Variants in KITLG observed in about 807,000 individuals in gnomAD.
KITLG encodes the protein c-Kit ligand.
KITLG carries 13 observed loss-of-function variants against 34.1 expected under a neutral mutation model. The observed-to-expected ratio is 0.38, with a 90% CI of 0.25 to 0.61. The LOEUF is 0.61. Ranked by LOEUF, KITLG falls within the 20% of genes least tolerant of loss-of-function variation. The probability of loss-of-function intolerance (pLI) is 0.60; values close to 1 mark genes in which losing one functional copy is unlikely to be tolerated. For synonymous variants in KITLG, 110 were observed against 104.0 expected, an observed-to-expected ratio of 1.06 and a Z score of -0.35; for missense variants, 292 against 318.9, an observed-to-expected ratio of 0.92 and a Z score of 0.64.
intron 1 of KITLG, among the ~76,000 whole-genome samples, chr12:88,547,148 A>G (rs1163735728): frequency 6.6e-6 from 1 of 152,244 alleles, no homozygotes; most frequent in East Asian, 1.9e-4. Context: ...AAATTACACA[A>G]GAGTCCAGAT....
chr12:88,564,088 CTT>C (rs1170395721), intron 1 of KITLG: 1 of 152,130 alleles, frequency 6.6e-6, no homozygotes, highest in African/African-American at 2.4e-5. Context: ...AAGATTCTGA[CTT>C]AACAGTTTTC....
intron 3 of KITLG, among the ~76,000 whole-genome samples, chr12:88,526,001 G>A (rs1393950186): frequency 1.3e-5 from 2 of 152,190 alleles, no homozygotes; most frequent in Non-Finnish European, 2.9e-5. Flanking sequence ...ATAAGTGGAT[G>A]GGAGAAGAAA....
At chr12:88,544,776 T>G (rs1429983544) in intron 2 of KITLG, among the ~76,000 whole-genome samples, 1 of 152,160 alleles carries the variant, frequency 6.6e-6, no homozygotes, top group Non-Finnish European at 1.5e-5. Flanking sequence ...ACTTCTGTTT[T>G]GAAGTTCTAT....
intron 3 of KITLG, among the ~76,000 whole-genome samples, chr12:88,522,067 T>C (rs1054834760): frequency 6.6e-6 from 1 of 152,108 alleles, no homozygotes; most frequent in Non-Finnish European, 1.5e-5. Flanking sequence ...CGCTAAATGA[T>C]TAAATAAAAT....
chr12:88,497,796 TG>T (rs1345620015), intron 9 of KITLG, among the ~76,000 whole-genome samples: 4 of 152,156 alleles, frequency 2.6e-5, no homozygotes, highest in Admixed American at 6.5e-5. Context: ...TAGCCTCACA[TG>T]GCCACTGAGC....
intron 9 of KITLG, among the ~76,000 whole-genome samples, chr12:88,502,374 A>G (rs1351556673): frequency 6.6e-6 from 1 of 152,190 alleles, no homozygotes; most frequent in Non-Finnish European, 1.5e-5. Context: ...AACCCAATAC[A>G]TTAAATACAC....
chr12:88,551,582 T>A lies in KITLG; in HGVS notation c.16-5717A>T, dbSNP rs1245324430. Among the ~76,000 whole-genome samples the A allele has an allele frequency of 2.6e-5, 4 of 152,214 alleles. No homozygotes were observed. In the South Asian group the frequency reaches 8.3e-4, roughly 32 times the overall value. ...TGTTTGTATAACTTTTAAAAATTTA[T>A]TTTAGGTTTCATTTGTTTGTTCCTT... On this transcript the variant is annotated intron_variant, in intron 1 of 9. Coordinates refer to ENST00000644744, the MANE Select transcript of KITLG (RefSeq NM_000899.5).
At position 88,548,231 on chromosome 12, in the gene KITLG, G is replaced by A. The variant is rs571160775; in HGVS notation, c.16-2366C>T. ...AGCACTTTAGGAGGCCGAGGTGGGC[G>A]GATCACGAGGTCAGGAGATCGAGAC... On this transcript the variant is annotated intron_variant, in intron 1 of 9. Coordinates refer to ENST00000644744, the MANE Select transcript of KITLG (RefSeq NM_000899.5). Among the ~76,000 whole-genome samples, 16 of 152,140 alleles carry A rather than the reference G, an allele frequency of 1.1e-4. No individual in the cohort carries two copies. In the East Asian group the frequency reaches 1.2e-3, roughly 11 times the overall value.
Position 88,517,653 on chromosome 12 carries a change from G to C in KITLG, c.363+1044C>G, listed in dbSNP as rs549847926. Reference sequence around the variant, plus strand: ...TTTGTGATCTCTACTTCTTTTGAATGCCATTGGCACACTATATGCAGTAGT... The same window carrying C: ...TTTGTGATCTCTACTTCTTTTGAATCCCATTGGCACACTATATGCAGTAGT... On this transcript the variant is annotated intron_variant, in intron 4 of 9. Coordinates refer to ENST00000644744, the MANE Select transcript of KITLG (RefSeq NM_000899.5). Among the ~76,000 whole-genome samples, 71 of 152,210 alleles carry C rather than the reference G, an allele frequency of 4.7e-4. 1 individual carries two copies. Among genetic ancestry groups the C allele is most frequent in the African/African-American group, 1.5e-3 (63 of 41,546 alleles).
At position 88,495,564 on chromosome 12, in the gene KITLG, C is replaced by T. The variant is rs1422390655; in HGVS notation, c.*1655G>A. 1 of 152,462 alleles carries T rather than the reference C, an allele frequency of 6.6e-6. No individual in the cohort carries two copies. The highest frequency in any genetic ancestry group is 1.9e-4 in the East Asian group (1 of 5,184). 9.4% of individuals were successfully genotyped at this position (152,462 alleles called of 1,614,324 possible). On this transcript the variant is annotated 3_prime_UTR_variant, in exon 10 of 10. Coordinates refer to ENST00000644744, the MANE Select transcript of KITLG (RefSeq NM_000899.5). ...AAAGGGACTGTAGGAATCATCTGGG[C>T]TCTTTGGTACAAAAAAGAGCAAAGG...
At chr12:88,507,461 C>T (rs1186617836) in intron 6 of KITLG, among the ~76,000 whole-genome samples, 1 of 152,178 alleles carries the variant, frequency 6.6e-6, no homozygotes, top group Non-Finnish European at 1.5e-5. Flanking sequence ...AAATCTATCT[C>T]CCATGCCTTT....
At chr12:88,507,248 G>A in intron 6 of KITLG, 111 bp from the exon 7 acceptor site, 1 of 696,650 alleles carries the variant, frequency 1.4e-6, no homozygotes, top group Admixed American at 2.3e-5. Flanking sequence ...ACCTATATCT[G>A]TTTAAAGTAT....
intron 1 of KITLG, among the ~76,000 whole-genome samples, chr12:88,557,740 T>C (rs961382382): frequency 6.6e-6 from 1 of 152,078 alleles, no homozygotes; most frequent in African/African-American, 2.4e-5. Flanking sequence ...GGCCAAAGTA[T>C]GGAAACATAA....
intron 3 of KITLG, among the ~76,000 whole-genome samples, chr12:88,522,550 C>A (rs1869713189): frequency 6.6e-6 from 1 of 151,594 alleles, no homozygotes; most frequent in Admixed American, 6.6e-5. Flanking sequence ...GCTTCAGCCT[C>A]CTGAGTAGTT....
chr12:88,546,920 G>A (rs546037452), intron 1 of KITLG, among the ~76,000 whole-genome samples: 4 of 152,214 alleles, frequency 2.6e-5, no homozygotes, highest in African/African-American at 9.6e-5. Context: ...TAACCTTAAG[G>A]GGGAGAACCA....
rs752278331 is a variant in KITLG at position 88,518,649 on chromosome 12, T to G, written c.363+48A>C. 3 of 1,476,328 alleles carry G rather than the reference T, an allele frequency of 2.0e-6. No individual in the cohort carries two copies. The East Asian group carries it at 6.8e-5, about 33-fold the overall frequency. The allele number at this position is 1,476,328 out of a possible 1,614,324, so 91.5% of individuals were successfully genotyped here. On this transcript the variant is annotated intron_variant, in intron 4 of 9. Coordinates refer to ENST00000644744, the MANE Select transcript of KITLG (RefSeq NM_000899.5). ...CCCCAACAGCACCAAGAAGCATGGG[T>G]TTTTAGAGAAGCGTAATGAAAAATA... is the stretch of plus-strand genomic sequence containing the variant.
chr12:88,535,101 G>C (rs1203099986), intron 2 of KITLG, among the ~76,000 whole-genome samples: 1 of 152,088 alleles, frequency 6.6e-6, no homozygotes, highest in East Asian at 1.9e-4. Flanking sequence ...TTAGTATTTA[G>C]AAAGTGTGGG....
chr12:88,496,191 A>C lies in KITLG; in HGVS notation c.*1028T>G, dbSNP rs1046434089. The C allele has an allele frequency of 4.6e-5, 7 of 152,166 alleles. No homozygotes were observed. The allele number at this position is 152,166 out of a possible 1,614,324, so 9.4% of individuals were successfully genotyped here. ...TTGCATTATAAGTAACCTAGTTTTC[A>C]ACACCCATATTAGCATGTGGGCGTG... On this transcript the variant is annotated 3_prime_UTR_variant, in exon 10 of 10. Transcript: ENST00000644744.
At chr12:88,579,330 C>A (rs535885324) in intron 1 of KITLG, among the ~76,000 whole-genome samples, 19 of 152,128 alleles carry the variant, frequency 1.2e-4, no homozygotes, top group African/African-American at 4.6e-4. Flanking sequence ...CTTAGCCAAC[C>A]GCGGCAGATA....
Sources: gnomAD v4.1 joint callset for allele counts (sites outside exome capture counted in the v4.1 genomes callset) on GRCh38, gnomAD v4.1.1 for gene constraint, MANE v1.5 for transcripts, NCBI Gene and HGNC (gene_info 2026-07-23, HGNC 2026-07-21) for gene names.